TET3: variants seen among roughly 807,000 people sequenced by gnomAD.
TET3 encodes the protein tet methylcytosine dioxygenase 3.
Under a neutral mutation model 141.4 loss-of-function variants are expected in TET3, and 19 were observed. That is an observed-to-expected ratio of 0.13 (90% CI 0.09 to 0.20). The LOEUF (loss-of-function observed/expected upper bound fraction) is 0.20, where lower values mean the gene tolerates loss of function less well. Ranked by LOEUF, TET3 falls within the 10% of genes least tolerant of loss-of-function variation. The pLI is 1.00. For synonymous variants in TET3, 1,043 were observed against 980.9 expected, an observed-to-expected ratio of 1.06 and a Z score of -1.18; for missense variants, 1,874 against 2,356.9, an observed-to-expected ratio of 0.80 and a Z score of 4.24.
intron 4 of TET3, among the ~76,000 whole-genome samples, chr2:74,063,965 A>G (rs937525838): frequency 3.3e-5 from 5 of 152,186 alleles, no homozygotes; most frequent in African/African-American, 1.2e-4. Context: ...TTCTTACCAA[A>G]AAAAGTGCTG....
chr2:74,022,105 T>C (rs1432690300), intron 3 of TET3, among the ~76,000 whole-genome samples: 1 of 150,208 alleles, frequency 6.7e-6, no homozygotes, highest in African/African-American at 2.4e-5. Context: ...TTTTTTTTTT[T>C]TTTTTTTTTT....
At chr2:74,100,354 T>G (rs1572903071) in intron 11 of TET3, 39 bp from the exon 12 acceptor site, 2 of 1,542,306 alleles carry the variant, frequency 1.3e-6, no homozygotes, top group East Asian at 2.5e-5. Context: ...GGCTGTGGTG[T>G]TGTCTGCCCC....
chr2:74,093,073 TG>T lies in TET3; in HGVS notation c.3129+85del. On this transcript the variant is annotated intron_variant, in intron 9 of 11. Coordinates refer to ENST00000409262, the MANE Select transcript of TET3 (RefSeq NM_001287491.2). The surrounding 1 kb of genome is among the most constrained non-coding windows in gnomAD (Gnocchi z 4.2). Reference sequence around the variant, plus strand: ...GCTCTGAAGGTGGGAAGTGGGAGAGTGGGCTCTTTTACTCTCTTATGGGAAG... The same window carrying T: ...GCTCTGAAGGTGGGAAGTGGGAGAGTGGCTCTTTTACTCTCTTATGGGAAG... 1 of 1,298,036 alleles carries T rather than the reference TG, an allele frequency of 7.7e-7. No individual in the cohort carries two copies. Among genetic ancestry groups the T allele is most frequent in the South Asian group, 1.3e-5 (1 of 78,318 alleles). 80.4% of individuals were successfully genotyped at this position (1,298,036 alleles called of 1,614,324 possible). A position where few individuals can be genotyped will look rare whatever the true frequency, so the allele number is the denominator to read the frequency against.
intron 3 of TET3, among the ~76,000 whole-genome samples, chr2:74,004,909 C>T (rs188250566): frequency 9.2e-4 from 140 of 152,160 alleles, no homozygotes; most frequent in African/African-American, 3.0e-3. Flanking sequence ...TAGATCTGCT[C>T]TGTCTCCCAG....
chr2:74,012,072 T>C (rs1685464830), intron 3 of TET3, among the ~76,000 whole-genome samples: 1 of 152,208 alleles, frequency 6.6e-6, no homozygotes, highest in African/African-American at 2.4e-5. Context: ...GCCATCCTCC[T>C]GCCTCAGCCT....
chr2:74,101,656 AGGAGGAGAAGGGCGGTGGTGGTGC>A lies in TET3; in HGVS notation c.4876_4899del (p.Lys1626_Glu1633del), dbSNP rs766615972. The stretch of plus-strand genomic sequence containing the variant: ...GAGCCCCCCAGCAAGGGAGCGGTGA[AGGAGGAGAAGGGCGGTGGTGGTGC>A]GGAGGAGGAAGAGGAGGAGCTGTGG... On this transcript the variant is annotated inframe_deletion, in exon 12 of 12. Transcript: ENST00000409262. The surrounding 1 kb of genome is among the most constrained non-coding windows in gnomAD (Gnocchi z 8.5). 9 of 1,613,704 alleles carry A rather than the reference AGGAGGAGAAGGGCGGTGGTGGTGC, an allele frequency of 5.6e-6. No individual in the cohort carries two copies. The Admixed American group carries it at 1.0e-4, about 18-fold the overall frequency.
chr2:74,110,779 C>G (rs1356078542), downstream of TET3, among the ~76,000 whole-genome samples: 5 of 152,142 alleles, frequency 3.3e-5, no homozygotes, highest in African/African-American at 1.2e-4. Flanking sequence ...TACACACACC[C>G]CTGCTGCTCG....
At chr2:73,996,101 T>C (rs2105107503) in intron 2 of TET3, among the ~76,000 whole-genome samples, 1 of 152,236 alleles carries the variant, frequency 6.6e-6, no homozygotes, top group Non-Finnish European at 1.5e-5. Context: ...CAACCTTATC[T>C]CCTGGGTCCT....
At chr2:74,042,810 G>A (rs1687407893) in intron 3 of TET3, among the ~76,000 whole-genome samples, 1 of 152,226 alleles carries the variant, frequency 6.6e-6, no homozygotes, top group Non-Finnish European at 1.5e-5. Flanking sequence ...ACTGACAGGT[G>A]TTGAGAAAGG....
intron 5 of TET3, among the ~76,000 whole-genome samples, chr2:74,074,195 T>C (rs1054996912): frequency 1.3e-5 from 2 of 152,208 alleles, no homozygotes; most frequent in African/African-American, 2.4e-5. Flanking sequence ...TGATTTCTCA[T>C]ATGACAAGAT....
intron 7 of TET3, 145 bp downstream of exon 7, chr2:74,088,183 G>A: frequency 3.5e-6 from 3 of 858,290 alleles, no homozygotes; most frequent in Non-Finnish European, 5.3e-6. Context: ...CTGTGGTTGA[G>A]GAAGGCATAT....
At chr2:74,134,615 T>A in the TET3 span, 1 of 446,428 alleles carries the variant, frequency 2.2e-6, no homozygotes, top group South Asian at 1.6e-5. Flanking sequence ...CCCACTGCCA[T>A]GGTAACATGG....
At chr2:74,005,971 A>G (rs1310374344) in intron 3 of TET3, among the ~76,000 whole-genome samples, 1 of 152,000 alleles carries the variant, frequency 6.6e-6, no homozygotes, top group African/African-American at 2.4e-5. Context: ...CAAGGCTCCC[A>G]CACGGCTCCC....
chr2:74,068,813 A>G (rs1254963604), intron 4 of TET3, among the ~76,000 whole-genome samples: 1 of 152,194 alleles, frequency 6.6e-6, no homozygotes, highest in East Asian at 1.9e-4. Context: ...TGCGTGTTTG[A>G]GCCATTTGCA....
In TET3 at chr2:73,999,367, G is replaced by C. The variant is rs145919365; in HGVS notation, c.304-3743G>C. 2.4e-3 allele frequency among the ~76,000 whole-genome samples: 363 copies of C among 152,292 alleles called. 3 individuals carry two copies. The highest frequency in any genetic ancestry group is 8.1e-3 in the African/African-American group (335 of 41,554). ...GGCACAAATATTTCCTGTCTCATTG[G>C]TTTGTTTAGAGAGTTAAAAAAGATA... is the stretch of plus-strand genomic sequence containing the variant. On this transcript the variant is annotated intron_variant, in intron 2 of 11. Transcript: ENST00000409262.
At chr2:74,018,527 A>G (rs1035284689) in intron 3 of TET3, among the ~76,000 whole-genome samples, 1 of 152,234 alleles carries the variant, frequency 6.6e-6, no homozygotes, top group African/African-American at 2.4e-5. Flanking sequence ...CTTTTCCTAA[A>G]TAGAAAGCCT....
downstream of TET3, among the ~76,000 whole-genome samples, chr2:74,113,157 G>A (rs970776787): frequency 2.6e-5 from 4 of 151,794 alleles, no homozygotes; most frequent in African/African-American, 2.4e-5. Flanking sequence ...TTGGGAGGCC[G>A]AGGCAGGCAG....
At position 74,070,287 on chromosome 2, in the gene TET3, G is replaced by A. The variant is rs141709529; in HGVS notation, c.2495-3262G>A. Among the ~76,000 whole-genome samples the A allele has an allele frequency of 8.0e-4, 122 of 152,318 alleles. 1 individual carries two copies. In the East Asian group the frequency reaches 0.015, roughly 19 times the overall value. On this transcript the variant is annotated intron_variant, in intron 4 of 11. Coordinates refer to ENST00000409262, the MANE Select transcript of TET3 (RefSeq NM_001287491.2). ...GGAGGCCTCACAATCATGGTGAGAG[G>A]CATGTCTTACATGGCAGCAGACAAG...
At chr2:74,133,137 C>T in the TET3 span, among the ~76,000 whole-genome samples, 21 of 148,702 alleles carry the variant, frequency 1.4e-4, no homozygotes, top group South Asian at 8.6e-4. Context: ...TGGTCTTGAA[C>T]TCCTGACCTC....
Sources: gnomAD v4.1 joint callset for allele counts (sites outside exome capture counted in the v4.1 genomes callset) on GRCh38, gnomAD v4.1.1 for gene constraint, Gnocchi (gnomAD v3.1) non-coding constraint, MANE v1.5 for transcripts, NCBI Gene and HGNC (gene_info 2026-07-23, HGNC 2026-07-21) for gene names.